WDR27: variants seen among roughly 807,000 people sequenced by gnomAD.
The protein encoded by WDR27 is WD repeat domain 27, also known as WD repeat-containing protein 27.
Under a neutral mutation model 114.4 loss-of-function variants are expected in WDR27, and 100 were observed. The observed-to-expected ratio is 0.87, with a 90% CI of 0.74 to 1.03. The LOEUF (loss-of-function observed/expected upper bound fraction) is 1.03, where lower values mean the gene tolerates loss of function less well. WDR27 is among the 50% of genes least tolerant of loss of function. The pLI is 0.00. For missense variants in WDR27, 1,129 were observed against 1,092.9 expected (o/e 1.03, Z -0.47); for synonymous variants, 449 against 423.1 (o/e 1.06, Z -0.75).
rs1268325480 is a variant in WDR27, at chr6:169,659,386, C to G, written c.1197+65G>C. ...TACTCAGCCAGTCGTTACAGGATCA[C>G]TCTGAAGAAAGAAGAAATCAGAGGC... On this transcript the variant is annotated intron_variant, in intron 11 of 25. Transcript: ENST00000448612. The surrounding 1 kb of genome is among the most constrained non-coding windows in gnomAD (Gnocchi z 4.3). 6.0e-5 allele frequency: 96 copies of G among 1,595,772 alleles called. No homozygotes were observed. The highest frequency in any genetic ancestry group is 7.8e-5 in the Non-Finnish European group (91 of 1,169,072).
intron 25 of WDR27, among the ~76,000 whole-genome samples, chr6:169,537,176 G>A (rs370195810): frequency 6.6e-5 from 10 of 152,250 alleles, no homozygotes; most frequent in Middle Eastern, 3.4e-3. Flanking sequence ...GGGAGGAATC[G>A]CAGGCCAGCT....
At chr6:169,654,109 C>G (rs144460930) in intron 13 of WDR27, among the ~76,000 whole-genome samples, 3,144 of 152,324 alleles carry the variant, frequency 0.021, 57 homozygotes, top group African/African-American at 0.057. Flanking sequence ...TAAAGGCCCA[C>G]TTCTCTAATG....
At position 169,681,863 on chromosome 6, in the gene WDR27, G is replaced by A. The variant is rs188858638; in HGVS notation, c.189+6954C>T. ...GCTCTGGGCTCTTCTGCTGCACTCA[G>A]GGAACTATCCCATCTGTGCTGAGAC... On this transcript the variant is annotated intron_variant, in intron 2 of 25. Coordinates refer to ENST00000448612, the MANE Select transcript of WDR27 (RefSeq NM_182552.5). Among the ~76,000 whole-genome samples the A allele has an allele frequency of 6.2e-3, 949 of 152,226 alleles. 7 individuals are homozygous for A. Among genetic ancestry groups the A allele is most frequent in the Middle Eastern group, 0.014 (4 of 294 alleles).
chr6:169,502,210 C>G (rs1214914820), intron 25 of WDR27, among the ~76,000 whole-genome samples: 1 of 152,214 alleles, frequency 6.6e-6, no homozygotes, highest in African/African-American at 2.4e-5. Context: ...GCCTGACGCT[C>G]TGGCGGGACG....
chr6:169,697,637 G>C (rs887729824), intron 1 of WDR27, among the ~76,000 whole-genome samples: 1 of 152,224 alleles, frequency 6.6e-6, no homozygotes, highest in Non-Finnish European at 1.5e-5. Flanking sequence ...CAAAATTAGT[G>C]AAAGTACTAA....
intron 25 of WDR27, among the ~76,000 whole-genome samples, chr6:169,500,561 G>A (rs1791049429): frequency 6.6e-6 from 1 of 152,190 alleles, no homozygotes; most frequent in African/African-American, 2.4e-5. Flanking sequence ...CGCAGAGAGG[G>A]CCTGCGGAGC....
chr6:169,431,766 G>T, the WDR27 span, among the ~76,000 whole-genome samples: 1 of 152,142 alleles, frequency 6.6e-6, no homozygotes, highest in Non-Finnish European at 1.5e-5. Flanking sequence ...TCCGTCCTGG[G>T]ACTCCAGCAT....
chr6:169,454,179 T>C (rs368383060), downstream of WDR27, among the ~76,000 whole-genome samples: 47 of 152,382 alleles, frequency 3.1e-4, 1 homozygote, highest in South Asian at 9.3e-3. Flanking sequence ...GGCAGGATTT[T>C]ATATTCTGCT....
Position 169,659,608 on chromosome 6 carries a change from C to T in WDR27, c.1130-90G>A, listed in dbSNP as rs777483029. On this transcript the variant is annotated intron_variant, in intron 10 of 25. Coordinates refer to ENST00000448612, the MANE Select transcript of WDR27 (RefSeq NM_182552.5). This position sits in a 1 kb window ranked among gnomAD's most constrained non-coding sequence, Gnocchi z 4.3. ...ACTGCCCAGAGCCCACCACACACAG[C>T]CCAGAGCCCACCACACACAGTCCAG... The T allele has an allele frequency of 1.6e-6, 2 of 1,243,348 alleles. No homozygotes were observed. Among genetic ancestry groups the T allele is most frequent in the African/African-American group, 1.5e-5 (1 of 66,956 alleles). 77.0% of individuals were successfully genotyped at this position (1,243,348 alleles called of 1,614,324 possible). A position where few individuals can be genotyped will look rare whatever the true frequency, so the allele number is the denominator to read the frequency against.
At chr6:169,543,866 C>G (rs981275069) in intron 25 of WDR27, among the ~76,000 whole-genome samples, 1 of 151,978 alleles carries the variant, frequency 6.6e-6, no homozygotes, top group African/African-American at 2.4e-5. Context: ...AGATTTTTAC[C>G]AATGCATGAT....
chr6:169,607,912 C>A (rs1176304044), intron 22 of WDR27, among the ~76,000 whole-genome samples: 1 of 152,136 alleles, frequency 6.6e-6, no homozygotes, highest in African/African-American at 2.4e-5. Flanking sequence ...AGAAATATGT[C>A]GTTAAGCAAT....
chr6:169,528,041 G>T (rs1303016087), intron 25 of WDR27, among the ~76,000 whole-genome samples: 1 of 151,472 alleles, frequency 6.6e-6, no homozygotes, highest in Non-Finnish European at 1.5e-5. Context: ...AAAATAAATG[G>T]GTAACAGCCT....
At chr6:169,521,625 A>T (rs1794392643) in intron 25 of WDR27, among the ~76,000 whole-genome samples, 1 of 152,106 alleles carries the variant, frequency 6.6e-6, no homozygotes, top group Non-Finnish European at 1.5e-5. Flanking sequence ...TAACGTAAAA[A>T]ATATGTAAAT....
chr6:169,490,390 T>C (rs1789593625), intron 25 of WDR27, among the ~76,000 whole-genome samples: 1 of 152,210 alleles, frequency 6.6e-6, no homozygotes, highest in Non-Finnish European at 1.5e-5. Context: ...CAAACTATTC[T>C]TGTAACAATG....
chr6:169,597,724 G>C (rs1225761145), intron 23 of WDR27, among the ~76,000 whole-genome samples: 1 of 152,108 alleles, frequency 6.6e-6, no homozygotes, highest in Non-Finnish European at 1.5e-5. Context: ...CTCCAGAATT[G>C]AATAAAATAT....
At position 169,633,038 on chromosome 6, in the gene WDR27, G is replaced by T. The variant is rs369311156; in HGVS notation, c.2132C>A (p.Thr711Asn). The change falls in exon 21 of 26, where the codon ACC (threonine) becomes AAC (asparagine). Residue 711 changes from threonine (T) to asparagine (N), a missense_variant. Transcript: ENST00000448612. ...HIVLAAGRNRTVEVFDLNAGC... is the reference protein window; with the variant it reads ...HIVLAAGRNRNVEVFDLNAGC... The stretch of plus-strand genomic sequence containing the variant: ...GGCGTTGAGGTCAAACACTTCCACG[G>T]TCCTGTTCCGGCCAGCTGCGAGTAC... The T allele has an allele frequency of 1.1e-4, 173 of 1,592,188 alleles. No homozygotes were observed. The South Asian group carries it at 1.4e-3, about 13-fold the overall frequency.
At chr6:169,682,710 C>A in intron 2 of WDR27, among the ~76,000 whole-genome samples, 1 of 152,128 alleles carries the variant, frequency 6.6e-6, no homozygotes. Context: ...GAAAATATGA[C>A]CCCATCAAAC....
At chr6:169,437,214 T>G in the WDR27 span, among the ~76,000 whole-genome samples, 1 of 152,016 alleles carries the variant, frequency 6.6e-6, no homozygotes, top group African/African-American at 2.4e-5. Flanking sequence ...TCTTATAAAG[T>G]GAGTTTTGTA....
intron 25 of WDR27, among the ~76,000 whole-genome samples, chr6:169,489,246 G>A (rs940046666): frequency 1.3e-5 from 2 of 152,168 alleles, no homozygotes; most frequent in Non-Finnish European, 2.9e-5. Flanking sequence ...GTGCACACAG[G>A]CTGTAAGACG....
Sources: allele counts gnomAD v4.1 joint callset (sites outside exome capture counted in the v4.1 genomes callset), GRCh38; gene constraint gnomAD v4.1.1; non-coding constraint Gnocchi (gnomAD v3.1); transcripts MANE v1.5; gene names NCBI Gene and HGNC (gene_info 2026-07-23, HGNC 2026-07-21).